SERPINE3: variants seen among roughly 807,000 people sequenced by gnomAD.
SERPINE3 encodes serpin E3.
In SERPINE3, 43 loss-of-function variants were observed where a neutral mutation model predicts 41.7. That is an observed-to-expected ratio of 1.03 (90% confidence interval 0.81 to 1.33). SERPINE3 has a LOEUF of 1.33. SERPINE3 is among the 40% of genes most tolerant of loss of function. The probability of loss-of-function intolerance (pLI) is 0.00; values close to 1 mark genes in which losing one functional copy is unlikely to be tolerated. For synonymous variants in SERPINE3, 200 were observed against 192.2 expected, an observed-to-expected ratio of 1.04 and a Z score of -0.34; for missense variants, 440 against 491.7, an observed-to-expected ratio of 0.89 and a Z score of 0.99.
intron 7 of SERPINE3, 33 bp downstream of exon 7, chr13:51,355,176 C>T (rs563569446): frequency 1.5e-5 from 16 of 1,101,960 alleles, no homozygotes; most frequent in Middle Eastern, 2.0e-4. Flanking sequence ...ACGTTCTAGC[C>T]GTGTATTTGG....
At chr13:51,349,384 T>C (rs1955383672) in intron 6 of SERPINE3, among the ~76,000 whole-genome samples, 1 of 152,190 alleles carries the variant, frequency 6.6e-6, no homozygotes, top group African/African-American at 2.4e-5. Flanking sequence ...TAAGGTAAAG[T>C]GTATCTCTCA....
Position 51,364,355 on chromosome 13 carries a change from T to C in SERPINE3, c.*73T>C. 1.7e-5 allele frequency: 14 copies of C among 823,600 alleles called. No individual in the cohort carries two copies. The highest frequency in any genetic ancestry group is 2.6e-5 in the Non-Finnish European group (14 of 548,708). The allele number at this position is 823,600 out of a possible 1,614,324, so 51.0% of individuals were successfully genotyped here. On this transcript the variant is annotated 3_prime_UTR_variant, in exon 10 of 10. Coordinates refer to ENST00000681248, the MANE Select transcript of SERPINE3 (RefSeq NM_001386375.1). ...TTTCATTTTGCTATACCCTTGAAAT[T>C]TAAAAAAATGTCTGATAAAGTGTAA...
intron 6 of SERPINE3, among the ~76,000 whole-genome samples, chr13:51,353,472 C>T (rs1955431093): frequency 6.6e-6 from 1 of 152,156 alleles, no homozygotes; most frequent in Non-Finnish European, 1.5e-5. Flanking sequence ...AAAGTAACTT[C>T]CCACGGAGGT....
chr13:51,358,500 C>T (rs1438676098), intron 7 of SERPINE3, among the ~76,000 whole-genome samples: 2 of 152,100 alleles, frequency 1.3e-5, no homozygotes, highest in Non-Finnish European at 2.9e-5. Flanking sequence ...CCATTCTATG[C>T]CACGCCTTTA....
At chr13:51,340,473 T>A (rs1406917519) in intron 1 of SERPINE3, among the ~76,000 whole-genome samples, 1 of 152,138 alleles carries the variant, frequency 6.6e-6, no homozygotes, top group Non-Finnish European at 1.5e-5. Flanking sequence ...TTCTCAAAAT[T>A]TTATATACCA....
Position 51,341,359 on chromosome 13 carries a change from G to C in SERPINE3, c.256+12G>C. The C allele has an allele frequency of 6.4e-7, 1 of 1,572,780 alleles. No individual in the cohort carries two copies. Among genetic ancestry groups the C allele is most frequent in the Non-Finnish European group, 8.6e-7 (1 of 1,157,790 alleles). On this transcript the variant is annotated intron_variant, in intron 3 of 9. Transcript: ENST00000681248. Reference sequence around the variant, plus strand: ...GTACACTGTCCATGGTAAGAGGCCTGCCCACGTGCACACTCACTTACCCTC... The same window carrying C: ...GTACACTGTCCATGGTAAGAGGCCTCCCCACGTGCACACTCACTTACCCTC...
chr13:51,356,510 T>C (rs1256966471), intron 7 of SERPINE3, among the ~76,000 whole-genome samples: 1 of 152,170 alleles, frequency 6.6e-6, no homozygotes, highest in Non-Finnish European at 1.5e-5. Context: ...AAAAACTGTA[T>C]TTTCTTCTAC....
At chr13:51,341,954 A>C (rs936149205) in intron 3 of SERPINE3, among the ~76,000 whole-genome samples, 1 of 152,172 alleles carries the variant, frequency 6.6e-6, no homozygotes, top group Non-Finnish European at 1.5e-5. Flanking sequence ...AGCCAGTGCC[A>C]GATCTGCCAG....
chr13:51,351,982 T>G (rs1955407855), intron 6 of SERPINE3, among the ~76,000 whole-genome samples: 1 of 152,164 alleles, frequency 6.6e-6, no homozygotes, highest in Non-Finnish European at 1.5e-5. Context: ...CTTTCAATTC[T>G]ATCCTATAGG....
At chr13:51,345,366 G>A (rs971839147) in intron 4 of SERPINE3, among the ~76,000 whole-genome samples, 9 of 152,162 alleles carry the variant, frequency 5.9e-5, no homozygotes, top group South Asian at 2.1e-4. Flanking sequence ...ATGCCAAGGC[G>A]GGCAGATCAC....
At chr13:51,361,988 T>A (rs748854554) in intron 9 of SERPINE3, 95 bp downstream of exon 9, 25 of 1,610,706 alleles carry the variant, frequency 1.6e-5, no homozygotes, top group Non-Finnish European at 2.0e-5. Flanking sequence ...AAAATAAGCA[T>A]TCTTTCTAGC....
intron 6 of SERPINE3, 89 bp from the exon 7 acceptor site, chr13:51,354,954 C>T: frequency 3.0e-6 from 2 of 673,924 alleles, no homozygotes; most frequent in South Asian, 3.8e-5. Context: ...GCCTGACTTC[C>T]AAGTTAGGGA....
chr13:51,347,821 A>G (rs1361131502), intron 5 of SERPINE3, among the ~76,000 whole-genome samples: 1 of 152,076 alleles, frequency 6.6e-6, no homozygotes, highest in African/African-American at 2.4e-5. Context: ...TAGCCATCTC[A>G]GTCATCAGAT....
intron 7 of SERPINE3, among the ~76,000 whole-genome samples, chr13:51,359,927 T>G (rs1201746391): frequency 1.3e-5 from 2 of 152,066 alleles, no homozygotes; most frequent in African/African-American, 4.8e-5. Context: ...AATTCTTTGC[T>G]GATTTTAGGA....
intron 9 of SERPINE3, chr13:51,362,902 T>C (rs1235854785): frequency 6.6e-6 from 1 of 152,272 alleles, no homozygotes. Flanking sequence ...AGAGAAAAAG[T>C]CCATCAACAG....
At chr13:51,348,961 A>C (rs1955380339) in intron 6 of SERPINE3, among the ~76,000 whole-genome samples, 1 of 151,620 alleles carries the variant, frequency 6.6e-6, no homozygotes, top group South Asian at 2.1e-4. Context: ...ACTCTCCTTT[A>C]AGAAGACCCA....
Position 51,355,055 on chromosome 13 carries a change from A to T in SERPINE3, c.912A>T (p.Gln304His). The change falls in exon 7 of 10, where the codon CAA becomes CAT. Residue 304 changes from glutamine to histidine, a missense_variant. Gln to His is a conservative substitution (Grantham distance 24, BLOSUM62 0). Transcript: ENST00000681248. ...TTTTGCCTTTTAGGTTTAGGATCCA[A>T]AATCAATTCAACTTAAAAAGCATTT... ...MDVFLPRFRIQNQFNLKSILN... is the reference protein window; with the variant it reads ...MDVFLPRFRIHNQFNLKSILN... 6.5e-7 allele frequency: 1 copy of T among 1,532,764 alleles called. No individual in the cohort carries two copies. Among genetic ancestry groups the T allele is most frequent in the Non-Finnish European group, 8.9e-7 (1 of 1,129,060 alleles). 94.9% of individuals were successfully genotyped at this position (1,532,764 alleles called of 1,614,324 possible).
intron 6 of SERPINE3, among the ~76,000 whole-genome samples, chr13:51,352,200 G>A (rs1266047025): frequency 6.6e-6 from 1 of 152,072 alleles, no homozygotes. Flanking sequence ...AATTTGGTGA[G>A]TATTACTTTC....
chr13:51,362,475 T>G (rs905391335), intron 9 of SERPINE3: 1 of 152,822 alleles, frequency 6.5e-6, no homozygotes, highest in Non-Finnish European at 1.5e-5. Flanking sequence ...ACAAATATTC[T>G]TAGGCTTCGA....
Sources: gnomAD v4.1 joint callset for allele counts (sites outside exome capture counted in the v4.1 genomes callset) on GRCh38, gnomAD v4.1.1 for gene constraint, MANE v1.5 for transcripts, NCBI Gene and HGNC (gene_info 2026-07-23, HGNC 2026-07-21) for gene names.